Variants in ZNF438 observed in about 807,000 individuals in gnomAD.
ZNF438 encodes zinc finger protein 438.
In ZNF438, 25 loss-of-function variants were observed where a neutral mutation model predicts 38.0. That is an observed-to-expected ratio of 0.66 (90% confidence interval 0.48 to 0.92). The LOEUF (loss-of-function observed/expected upper bound fraction) is 0.92, where lower values mean the gene tolerates loss of function less well. Ranked by LOEUF, ZNF438 falls within the 40% of genes least tolerant of loss-of-function variation. The pLI, the probability that ZNF438 is intolerant of heterozygous loss-of-function variation, is 0.00. For synonymous variants in ZNF438, 372 were observed against 364.1 expected (o/e 1.02, Z -0.25); for missense variants, 1,007 against 999.6 (o/e 1.01, Z -0.10).
At chr10:30,868,150 A>G (rs1204204073) in intron 4 of ZNF438, among the ~76,000 whole-genome samples, 1 of 151,964 alleles carries the variant, frequency 6.6e-6, no homozygotes, top group African/African-American at 2.4e-5. Flanking sequence ...ACTCACTGCA[A>G]CTTCCGTCTC....
intron 3 of ZNF438, among the ~76,000 whole-genome samples, chr10:30,893,494 GA>G (rs1363009778): frequency 6.6e-6 from 1 of 152,166 alleles, no homozygotes; most frequent in African/African-American, 2.4e-5. Context: ...TTTCCTAATT[GA>G]AAAAGTCAAA....
chr10:31,024,244 T>C (rs1331915593), intron 1 of ZNF438, among the ~76,000 whole-genome samples: 1 of 152,214 alleles, frequency 6.6e-6, no homozygotes, highest in Non-Finnish European at 1.5e-5. Flanking sequence ...TAAACCAACT[T>C]CTTTTTCTAT....
exon 5 of ZNF438, chr10:30,848,721 G>A (rs1477528651): frequency 3.1e-6 from 5 of 1,614,064 alleles, no homozygotes; most frequent in Admixed American, 1.7e-5. Context: ...TTCTTCAGAC[G>A]GTTCTCACCA....
chr10:30,896,308 A>G (rs960900475), intron 3 of ZNF438, among the ~76,000 whole-genome samples: 6 of 151,662 alleles, frequency 4.0e-5, no homozygotes, highest in Admixed American at 6.6e-5. Context: ...AAAAAAAAAA[A>G]AAAAAAACAA....
At chr10:30,896,430 A>T (rs1467951921) in intron 3 of ZNF438, among the ~76,000 whole-genome samples, 1 of 152,204 alleles carries the variant, frequency 6.6e-6, no homozygotes, top group African/African-American at 2.4e-5. Flanking sequence ...AGATAGATGG[A>T]TCAACAAAAT....
At chr10:30,875,996 C>T (rs1387568307) in intron 4 of ZNF438, among the ~76,000 whole-genome samples, 2 of 152,200 alleles carry the variant, frequency 1.3e-5, no homozygotes, top group Admixed American at 1.3e-4. Context: ...CTTTAGTCTC[C>T]ACATATCCTA....
chr10:30,926,786 G>C (rs947798172), intron 2 of ZNF438, among the ~76,000 whole-genome samples: 1 of 152,096 alleles, frequency 6.6e-6, no homozygotes, highest in African/African-American at 2.4e-5. Flanking sequence ...CAGAAATTTG[G>C]GGAGCTCCTA....
intron 1 of ZNF438, among the ~76,000 whole-genome samples, chr10:30,949,275 G>A (rs1008774552): frequency 1.3e-4 from 19 of 151,944 alleles, no homozygotes; most frequent in Admixed American, 1.3e-4. Flanking sequence ...AGGAAAAACC[G>A]GTACCAGCCA....
chr10:30,914,815 A>G (rs1224735904), intron 2 of ZNF438, among the ~76,000 whole-genome samples: 1 of 151,676 alleles, frequency 6.6e-6, no homozygotes, highest in African/African-American at 2.4e-5. Flanking sequence ...GGTTGTAATG[A>G]ACACAATAAA....
intron 1 of ZNF438, among the ~76,000 whole-genome samples, chr10:31,008,919 C>T (rs1216808870): frequency 6.6e-6 from 1 of 152,208 alleles, no homozygotes; most frequent in Admixed American, 6.5e-5. Context: ...CACATCCTCA[C>T]TAACACTTGT....
intron 1 of ZNF438, among the ~76,000 whole-genome samples, chr10:30,999,058 A>G (rs2054372543): frequency 6.6e-6 from 1 of 152,188 alleles, no homozygotes; most frequent in East Asian, 1.9e-4. Flanking sequence ...ATAACAAAAA[A>G]CACTAGAATT....
At chr10:31,029,071 A>G (rs2057118168) in intron 1 of ZNF438, among the ~76,000 whole-genome samples, 1 of 152,114 alleles carries the variant, frequency 6.6e-6, no homozygotes, top group East Asian at 1.9e-4. Flanking sequence ...CAACATGTTC[A>G]CTCGGAGGTG....
chr10:30,907,685 G>A (rs2042716246), intron 3 of ZNF438, among the ~76,000 whole-genome samples: 1 of 152,010 alleles, frequency 6.6e-6, no homozygotes, highest in Admixed American at 6.5e-5. Flanking sequence ...AGAGTCAGTA[G>A]TGATATCCCC....
intron 1 of ZNF438, among the ~76,000 whole-genome samples, chr10:31,023,195 A>C (rs1008773562): frequency 2.6e-5 from 4 of 152,226 alleles, no homozygotes; most frequent in African/African-American, 9.7e-5. Flanking sequence ...AATACTTTCC[A>C]AGTAACATTC....
chr10:30,956,703 C>A (rs2048904651), intron 1 of ZNF438, among the ~76,000 whole-genome samples: 1 of 152,152 alleles, frequency 6.6e-6, no homozygotes, highest in African/African-American at 2.4e-5. Flanking sequence ...ATGTTCACTG[C>A]AAATGATAGA....
intron 1 of ZNF438, chr10:30,999,562 T>A (rs963725135): frequency 6.6e-6 from 1 of 152,366 alleles, no homozygotes; most frequent in Non-Finnish European, 1.5e-5. Context: ...CACTGAGTCA[T>A]GTGTTCCTGA....
intron 1 of ZNF438, among the ~76,000 whole-genome samples, chr10:31,004,272 G>C (rs2054920230): frequency 1.3e-5 from 2 of 152,178 alleles, no homozygotes; most frequent in Non-Finnish European, 1.5e-5. Flanking sequence ...CTCTGGGCTA[G>C]AGATAATAAG....
At chr10:31,022,572 T>C (rs1307946013) in intron 1 of ZNF438, among the ~76,000 whole-genome samples, 1 of 152,170 alleles carries the variant, frequency 6.6e-6, no homozygotes, top group Non-Finnish European at 1.5e-5. Flanking sequence ...ACTACAGCTT[T>C]CTGAATCCTG....
intron 2 of ZNF438, among the ~76,000 whole-genome samples, chr10:30,933,667 T>C (rs1041638949): frequency 6.6e-6 from 1 of 152,166 alleles, no homozygotes; most frequent in Non-Finnish European, 1.5e-5. Flanking sequence ...CTATGCAGGC[T>C]ACAGAAAACA....
Sources: allele counts gnomAD v4.1 joint callset (sites outside exome capture counted in the v4.1 genomes callset), GRCh38; gene constraint gnomAD v4.1.1; transcripts MANE v1.5; gene names NCBI Gene and HGNC (gene_info 2026-07-23, HGNC 2026-07-21).